Variants in LHFPL3 observed in about 807,000 individuals in gnomAD.
LHFPL3 encodes LHFPL tetraspan subfamily member 3 protein.
In LHFPL3, 5 loss-of-function variants were observed where a neutral mutation model predicts 19.3. That is an observed-to-expected ratio of 0.26 (90% CI 0.14 to 0.54). The LOEUF is 0.54. Among genes scored for constraint, LHFPL3 ranks in the 20% least tolerant of loss-of-function variants. The pLI, the probability that LHFPL3 is intolerant of heterozygous loss-of-function variation, is 0.94. For synonymous variants in LHFPL3, 133 were observed against 126.2 expected, an observed-to-expected ratio of 1.05 and a Z score of -0.36; for missense variants, 249 against 307.4, an observed-to-expected ratio of 0.81 and a Z score of 1.42.
chr7:104,877,982 C>T (rs1250159059), intron 2 of LHFPL3, among the ~76,000 whole-genome samples: 2 of 152,050 alleles, frequency 1.3e-5, no homozygotes, highest in African/African-American at 2.4e-5. Context: ...TACAGGCGCA[C>T]GCCACCACAC....
chr7:104,356,454 C>A (rs1790276877), intron 1 of LHFPL3, among the ~76,000 whole-genome samples: 1 of 152,152 alleles, frequency 6.6e-6, no homozygotes. Flanking sequence ...CCAAATCTCT[C>A]CATTTTTGTC....
intron 1 of LHFPL3, among the ~76,000 whole-genome samples, chr7:104,359,670 G>A (rs1052989114): frequency 3.9e-5 from 6 of 152,292 alleles, no homozygotes; most frequent in South Asian, 4.1e-4. Flanking sequence ...ACAGTCTAGC[G>A]GGGAGGAAAT....
intron 1 of LHFPL3, among the ~76,000 whole-genome samples, chr7:104,610,162 A>G (rs1425026412): frequency 1.3e-5 from 2 of 152,154 alleles, no homozygotes; most frequent in Non-Finnish European, 2.9e-5. Context: ...CTTTGGAGTA[A>G]ATGTTGAATT....
intron 1 of LHFPL3, among the ~76,000 whole-genome samples, chr7:104,640,354 G>A (rs1165426585): frequency 1.3e-5 from 2 of 152,104 alleles, no homozygotes; most frequent in Non-Finnish European, 2.9e-5. Context: ...TCCCACTTAT[G>A]AGTGAAAACA....
chr7:104,753,382 G>A (rs1189624624), intron 2 of LHFPL3, among the ~76,000 whole-genome samples: 1 of 152,014 alleles, frequency 6.6e-6, no homozygotes, highest in East Asian at 1.9e-4. Flanking sequence ...ATATTATAAG[G>A]TTATTTTAAC....
intron 1 of LHFPL3, among the ~76,000 whole-genome samples, chr7:104,531,537 T>C (rs977125318): frequency 6.6e-6 from 1 of 152,178 alleles, no homozygotes; most frequent in African/African-American, 2.4e-5. Flanking sequence ...ATTCTTTTAC[T>C]GTTCCTGGAA....
intron 2 of LHFPL3, among the ~76,000 whole-genome samples, chr7:104,828,578 TG>T (rs982375841): frequency 6.6e-6 from 1 of 151,878 alleles, no homozygotes; most frequent in African/African-American, 2.4e-5. Flanking sequence ...CCTTCTTCAT[TG>T]GGGTGGAGGA....
rs1051737119 is a variant in LHFPL3 at position 104,697,255 on chromosome 7, T to C, written c.446-39420T>C. Among the ~76,000 whole-genome samples, 16 of 152,310 alleles carry C rather than the reference T, an allele frequency of 1.1e-4. No homozygotes were observed. The East Asian group carries it at 1.4e-3, about 13-fold the overall frequency. ...GGGGAGAGCACAAAGATTCAGTCTA[T>C]AGCAAACACCCTCTCCAAAAAGAAA... On this transcript the variant is annotated intron_variant, in intron 1 of 2. Coordinates refer to ENST00000424859, the MANE Select transcript of LHFPL3 (RefSeq NM_199000.3).
At chr7:104,523,642 T>C (rs918889044) in intron 1 of LHFPL3, among the ~76,000 whole-genome samples, 9 of 152,132 alleles carry the variant, frequency 5.9e-5, no homozygotes, top group South Asian at 2.1e-4. Context: ...CACTTAGATA[T>C]AGAAATACAT....
At chr7:104,442,790 G>A (rs1389894730) in intron 1 of LHFPL3, among the ~76,000 whole-genome samples, 2 of 152,134 alleles carry the variant, frequency 1.3e-5, no homozygotes, top group East Asian at 1.9e-4. Flanking sequence ...TTTGGGTGGC[G>A]ACTTTTCAAA....
At chr7:104,781,201 C>G (rs1161738024) in intron 2 of LHFPL3, among the ~76,000 whole-genome samples, 2 of 152,166 alleles carry the variant, frequency 1.3e-5, no homozygotes, top group Non-Finnish European at 2.9e-5. Flanking sequence ...CACCCAGTGG[C>G]TATTTCAGGT....
At chr7:104,674,401 G>A (rs542271227) in intron 1 of LHFPL3, among the ~76,000 whole-genome samples, 15 of 127,372 alleles carry the variant, frequency 1.2e-4, no homozygotes, top group Admixed American at 3.6e-4. Flanking sequence ...ACGGATTTTC[G>A]CTCTGTTGCC....
In LHFPL3 at chr7:104,827,394, G is replaced by A. The variant is rs938654118; in HGVS notation, c.683-78793G>A. 2.0e-5 allele frequency among the ~76,000 whole-genome samples: 3 copies of A among 151,978 alleles called. No individual in the cohort carries two copies. The East Asian group carries it at 5.8e-4, about 29-fold the overall frequency. On this transcript the variant is annotated intron_variant, in intron 2 of 2. Coordinates refer to ENST00000424859, the MANE Select transcript of LHFPL3 (RefSeq NM_199000.3). ...ACTGATTTGGTATAGATAAATGGATGTTTTTTAAAGTAAAGAAGATGGTAG... is the reference window on the plus strand; with the variant it reads ...ACTGATTTGGTATAGATAAATGGATATTTTTTAAAGTAAAGAAGATGGTAG...
intron 2 of LHFPL3, among the ~76,000 whole-genome samples, chr7:104,886,790 G>A (rs1389961961): frequency 6.6e-6 from 1 of 152,198 alleles, no homozygotes; most frequent in African/African-American, 2.4e-5. Context: ...CACAATTAAT[G>A]AGATTAGGCA....
intron 1 of LHFPL3, among the ~76,000 whole-genome samples, chr7:104,478,122 A>G (rs1042231219): frequency 2.0e-5 from 3 of 152,232 alleles, no homozygotes; most frequent in African/African-American, 4.8e-5. Flanking sequence ...TGGTGAAGAC[A>G]TAATATTTTA....
At chr7:104,841,907 C>G (rs2116589526) in intron 2 of LHFPL3, among the ~76,000 whole-genome samples, 1 of 152,014 alleles carries the variant, frequency 6.6e-6, no homozygotes, top group East Asian at 1.9e-4. Flanking sequence ...ACTCCTGACA[C>G]CAGAGAAAGC....
chr7:104,430,405 CATATATATATATACATATATATATATAT>C (rs1791954711), intron 1 of LHFPL3, among the ~76,000 whole-genome samples: 4 of 22,456 alleles, frequency 1.8e-4, no homozygotes, highest in South Asian at 2.1e-3. Flanking sequence ...TATATATATA[CATATATATATATACATATATATATATAT>C]ATATATATAT....
At chr7:104,569,445 A>C (rs1467985734) in intron 1 of LHFPL3, among the ~76,000 whole-genome samples, 2 of 152,186 alleles carry the variant, frequency 1.3e-5, no homozygotes, top group African/African-American at 4.8e-5. Context: ...ACCGTTGTAT[A>C]CACCTTGTCA....
At chr7:104,479,840 C>T (rs965701777) in intron 1 of LHFPL3, among the ~76,000 whole-genome samples, 4 of 152,302 alleles carry the variant, frequency 2.6e-5, no homozygotes, top group Non-Finnish European at 5.9e-5. Context: ...GTACTTACTG[C>T]GTACCACACA....
Sources: allele counts gnomAD v4.1 joint callset (sites outside exome capture counted in the v4.1 genomes callset), GRCh38; gene constraint gnomAD v4.1.1; transcripts MANE v1.5; gene names NCBI Gene and HGNC (gene_info 2026-07-23, HGNC 2026-07-21).